NALF1: variants seen among roughly 807,000 people sequenced by gnomAD.
NALF1 encodes the protein NALCN channel auxiliary factor 1.
In NALF1, 3 loss-of-function variants were observed where a neutral mutation model predicts 48.4. That is an observed-to-expected ratio of 0.06 (90% CI 0.03 to 0.16). The LOEUF (loss-of-function observed/expected upper bound fraction) is 0.16. Among genes scored for constraint, NALF1 ranks in the 10% least tolerant of loss-of-function variants. The probability of loss-of-function intolerance (pLI) is 1.00; values close to 1 mark genes in which losing one functional copy is unlikely to be tolerated. For synonymous variants in NALF1, 262 were observed against 245.7 expected (o/e 1.07, Z -0.62); for missense variants, 526 against 571.5 (o/e 0.92, Z 0.81).
At chr13:107,257,521 T>C (rs1271336203) in intron 1 of NALF1, among the ~76,000 whole-genome samples, 4 of 92,506 alleles carry the variant, frequency 4.3e-5, no homozygotes, top group Non-Finnish European at 8.5e-5. Flanking sequence ...GAATTTGATA[T>C]CATCTAGGCT....
At chr13:107,606,280 A>G (rs79108753) in intron 1 of NALF1, among the ~76,000 whole-genome samples, 106 of 151,208 alleles carry the variant, frequency 7.0e-4, no homozygotes, top group East Asian at 4.5e-3. Context: ...ATATATATAT[A>G]TGTGTGTGTT....
rs563819341 is a variant in NALF1 at position 107,407,811 on chromosome 13, C to T, written c.916-197056G>A. On this transcript the variant is annotated intron_variant, in intron 1 of 2. Coordinates refer to ENST00000375915, the MANE Select transcript of NALF1 (RefSeq NM_001080396.3). The stretch of plus-strand genomic sequence containing the variant: ...GATATCTGCCCTCCCATGTTTATTG[C>T]AGCACTATTCACAATAGCTAAGATT... Among the ~76,000 whole-genome samples the T allele has an allele frequency of 2.0e-5, 3 of 152,228 alleles. No individual in the cohort carries two copies. The East Asian group carries it at 5.8e-4, about 29-fold the overall frequency.
intron 1 of NALF1, among the ~76,000 whole-genome samples, chr13:107,382,852 G>A (rs990521800): frequency 6.6e-6 from 1 of 152,162 alleles, no homozygotes; most frequent in African/African-American, 2.4e-5. Flanking sequence ...ATCACCTTTT[G>A]GCTAAGTGGC....
chr13:107,215,780 C>A (rs1019312071), intron 1 of NALF1, among the ~76,000 whole-genome samples: 2 of 152,150 alleles, frequency 1.3e-5, no homozygotes, highest in Admixed American at 6.5e-5. Flanking sequence ...TGGTTCTGGG[C>A]ATTCCATTTG....
At chr13:107,339,549 G>C (rs1339975788) in intron 1 of NALF1, among the ~76,000 whole-genome samples, 1 of 152,106 alleles carries the variant, frequency 6.6e-6, no homozygotes, top group East Asian at 1.9e-4. Context: ...AGGAGTCCGG[G>C]ACTCCCCAGA....
chr13:107,269,462 T>C (rs1034241733), intron 1 of NALF1, among the ~76,000 whole-genome samples: 1 of 152,200 alleles, frequency 6.6e-6, no homozygotes, highest in Non-Finnish European at 1.5e-5. Context: ...TGATTGATTG[T>C]GGAAAGGCTT....
At chr13:107,599,434 A>T (rs1017509435) in intron 1 of NALF1, among the ~76,000 whole-genome samples, 5 of 151,424 alleles carry the variant, frequency 3.3e-5, no homozygotes, top group Non-Finnish European at 5.9e-5. Flanking sequence ...AAAAAAAAAA[A>T]AAAAATAACA....
intron 1 of NALF1, among the ~76,000 whole-genome samples, chr13:107,748,986 G>A (rs190519566): frequency 6.6e-6 from 1 of 152,190 alleles, no homozygotes; most frequent in Non-Finnish European, 1.5e-5. Context: ...AATAAAAGAT[G>A]ATCAAAATAA....
At chr13:107,576,519 G>GA (rs1022078192) in intron 1 of NALF1, among the ~76,000 whole-genome samples, 1 of 152,158 alleles carries the variant, frequency 6.6e-6, no homozygotes, top group African/African-American at 2.4e-5. Flanking sequence ...ATTCTGTAGA[G>GA]AAAACCAACA....
chr13:107,589,326 A>G (rs1489568420), intron 1 of NALF1, among the ~76,000 whole-genome samples: 2 of 152,048 alleles, frequency 1.3e-5, no homozygotes, highest in Non-Finnish European at 2.9e-5. Flanking sequence ...CCAAAAGCAA[A>G]TTCCAAGTGT....
At chr13:107,568,557 G>A (rs1300166085) in intron 1 of NALF1, among the ~76,000 whole-genome samples, 2 of 152,116 alleles carry the variant, frequency 1.3e-5, no homozygotes, top group East Asian at 1.9e-4. Context: ...ACCATTTTAC[G>A]TATCCACTAG....
chr13:107,662,850 A>G (rs183772186), intron 1 of NALF1, among the ~76,000 whole-genome samples: 1 of 152,218 alleles, frequency 6.6e-6, no homozygotes, highest in Non-Finnish European at 1.5e-5. Context: ...TTGAAAGACT[A>G]TTAGCTCAAC....
At chr13:107,222,470 TGC>T (rs1880014986) in intron 1 of NALF1, among the ~76,000 whole-genome samples, 1 of 152,216 alleles carries the variant, frequency 6.6e-6, no homozygotes, top group Admixed American at 6.5e-5. Flanking sequence ...CACAAGTGAT[TGC>T]AAAGGTTAGG....
At chr13:107,649,552 A>G (rs1413437495) in intron 1 of NALF1, among the ~76,000 whole-genome samples, 2 of 152,208 alleles carry the variant, frequency 1.3e-5, no homozygotes, top group Admixed American at 1.3e-4. Flanking sequence ...CATATAAATT[A>G]CCTTTCATGA....
intron 1 of NALF1, among the ~76,000 whole-genome samples, chr13:107,390,765 C>G (rs75513065): frequency 0.013 from 2,046 of 152,046 alleles, 26 homozygotes; most frequent in South Asian, 0.033. Flanking sequence ...CCAGACTTCA[C>G]ATAAAAAGGG....
rs563946546 is a variant in NALF1, at chr13:107,708,156, G to A, written c.915+157526C>T. On this transcript the variant is annotated intron_variant, in intron 1 of 2. Transcript: ENST00000375915. ...AATCATGATAAAATTTGCTTCTAGG[G>A]AAGGGTCAACCCTTGCTCTACTGCT... Among the ~76,000 whole-genome samples the A allele has an allele frequency of 3.9e-5, 6 of 152,204 alleles. No individual in the cohort carries two copies. In the South Asian group the frequency reaches 1.0e-3, roughly 26 times the overall value.
At chr13:107,564,041 C>A (rs1439106706) in intron 1 of NALF1, among the ~76,000 whole-genome samples, 2 of 152,090 alleles carry the variant, frequency 1.3e-5, no homozygotes, top group African/African-American at 4.8e-5. Flanking sequence ...GCAGCATTTT[C>A]CAAACTTTCA....
At chr13:107,543,734 TAC>T (rs960285127) in intron 1 of NALF1, among the ~76,000 whole-genome samples, 11 of 151,932 alleles carry the variant, frequency 7.2e-5, no homozygotes, top group African/African-American at 2.7e-4. Flanking sequence ...CATGTATATA[TAC>T]ACACACATTT....
chr13:107,234,085 C>T (rs537614306), intron 1 of NALF1, among the ~76,000 whole-genome samples: 10 of 152,234 alleles, frequency 6.6e-5, no homozygotes, highest in East Asian at 1.9e-4. Flanking sequence ...TCCAGAGTTT[C>T]GAATGAGAAA....
Sources: allele counts gnomAD v4.1 joint callset (sites outside exome capture counted in the v4.1 genomes callset), GRCh38; gene constraint gnomAD v4.1.1; transcripts MANE v1.5; gene names NCBI Gene and HGNC (gene_info 2026-07-23, HGNC 2026-07-21).